The following TENM3 variants were observed in gnomAD, a reference collection of about 807,000 sequenced individuals.
The protein encoded by TENM3 is teneurin transmembrane protein 3, also known as teneurin-3.
TENM3 carries 63 observed loss-of-function variants against 255.1 expected under a neutral mutation model. The observed-to-expected ratio is 0.25, with a 90% CI of 0.20 to 0.30. The LOEUF (loss-of-function observed/expected upper bound fraction) is 0.30. TENM3 is among the 10% of genes least tolerant of loss of function. TENM3 has a pLI of 1.00. For missense variants in TENM3, 2,929 were observed against 3,461.1 expected (o/e 0.85, Z 3.86); for synonymous variants, 1,306 against 1,322.3 (o/e 0.99, Z 0.27).
At chr4:182,002,449 T>C in the TENM3 span, among the ~76,000 whole-genome samples, 3 of 152,046 alleles carry the variant, frequency 2.0e-5, no homozygotes, top group Non-Finnish European at 1.5e-5. Flanking sequence ...AGACTCTTCA[T>C]TAAGTCTAGG....
chr4:182,383,935 C>G (rs988992771), intron 3 of TENM3, among the ~76,000 whole-genome samples: 2 of 152,174 alleles, frequency 1.3e-5, no homozygotes, highest in African/African-American at 2.4e-5. Flanking sequence ...ATGGCTCTGC[C>G]AGAGGCAGGA....
the TENM3 span, among the ~76,000 whole-genome samples, chr4:181,858,969 T>G: frequency 6.6e-6 from 1 of 152,064 alleles, no homozygotes; most frequent in Non-Finnish European, 1.5e-5. Context: ...ATCCAACAGC[T>G]GTGTGCCAGA....
the TENM3 span, among the ~76,000 whole-genome samples, chr4:181,725,268 C>T: frequency 6.6e-6 from 1 of 152,118 alleles, no homozygotes; most frequent in Non-Finnish European, 1.5e-5. Flanking sequence ...CTGATGTTTA[C>T]TGGACATCAG....
chr4:181,573,741 A>G, the TENM3 span, among the ~76,000 whole-genome samples: 1 of 152,230 alleles, frequency 6.6e-6, no homozygotes, highest in African/African-American at 2.4e-5. Flanking sequence ...CAATACTTTA[A>G]TTTTTAATAC....
chr4:182,453,871 G>A (rs1338278353), intron 3 of TENM3, among the ~76,000 whole-genome samples: 1 of 152,098 alleles, frequency 6.6e-6, no homozygotes, highest in African/African-American at 2.4e-5. Context: ...CTGCTTCAAA[G>A]TTGTAACCTT....
the TENM3 span, among the ~76,000 whole-genome samples, chr4:182,066,599 A>AATATATATATATAT: frequency 3.6e-5 from 5 of 137,114 alleles, no homozygotes; most frequent in South Asian, 4.5e-4. Context: ...GTAAAAAAAA[A>AATATATATATATAT]ATATATATAT....
At chr4:181,764,688 T>C in the TENM3 span, among the ~76,000 whole-genome samples, 1 of 152,172 alleles carries the variant, frequency 6.6e-6, no homozygotes, top group Non-Finnish European at 1.5e-5. Context: ...ACATGTGACT[T>C]TGTTGTTTGC....
At chr4:182,115,070 ACT>A in the TENM3 span, among the ~76,000 whole-genome samples, 1 of 152,108 alleles carries the variant, frequency 6.6e-6, no homozygotes, top group Non-Finnish European at 1.5e-5. Flanking sequence ...AATCCCAGCT[ACT>A]CAGGAGGCTG....
the TENM3 span, among the ~76,000 whole-genome samples, chr4:181,965,335 G>T: frequency 2.0e-5 from 3 of 152,132 alleles, no homozygotes; most frequent in South Asian, 4.1e-4. Flanking sequence ...GACAACAAAA[G>T]CTCTGAATAT....
chr4:182,688,292 C>A lies in TENM3; in HGVS notation c.2162C>A (p.Thr721Asn). 4 of 1,613,884 alleles carry A rather than the reference C, an allele frequency of 2.5e-6. No individual in the cohort carries two copies. The highest frequency in any genetic ancestry group is 3.4e-6 in the Non-Finnish European group (4 of 1,179,852). ...ACHPRCAEHG[T>N]CKDGKCECSQ... ...CACCCCCGCTGTGCCGAGCACGGGA[C>A]CTGCAAGGATGGCAAGTGTGAATGC... The change falls in exon 12 of 28, where the codon ACC (threonine) becomes AAC (asparagine). Residue 721 changes from threonine (T) to asparagine (N), a missense_variant. Thr to Asn is a moderately conservative substitution (Grantham distance 65). Transcript: ENST00000511685.
At chr4:182,603,278 C>T (rs1182368890) in intron 4 of TENM3, among the ~76,000 whole-genome samples, 1 of 152,066 alleles carries the variant, frequency 6.6e-6, no homozygotes, top group East Asian at 1.9e-4. Flanking sequence ...ATTAATGAAT[C>T]ATCAATGGAA....
the TENM3 span, among the ~76,000 whole-genome samples, chr4:181,907,341 G>T: frequency 6.6e-6 from 1 of 152,170 alleles, no homozygotes; most frequent in Non-Finnish European, 1.5e-5. Context: ...GCCAGTCACT[G>T]CCATGAAGTA....
chr4:181,594,221 A>G, the TENM3 span, among the ~76,000 whole-genome samples: 1 of 152,330 alleles, frequency 6.6e-6, no homozygotes, highest in South Asian at 2.1e-4. Context: ...TGAAGTGTGA[A>G]TTATCTACAT....
rs566370760 is a variant in TENM3, at chr4:182,232,230, C to T, written c.-76+87476C>T. On this transcript the variant is annotated intron_variant, in intron 1 of 2. Coordinates refer to the TENM3 transcript ENST00000512480. ...CACTTTTATTCAGGGCCGTAACTCT[C>T]ACTTCTCACTTGGCCACCGTGTTGG... 2.4e-4 allele frequency among the ~76,000 whole-genome samples: 36 copies of T among 152,294 alleles called. 1 individual carries two copies. The South Asian group carries it at 6.8e-3, about 29-fold the overall frequency.
At chr4:181,598,166 A>T in the TENM3 span, among the ~76,000 whole-genome samples, 1 of 152,210 alleles carries the variant, frequency 6.6e-6, no homozygotes, top group Admixed American at 6.5e-5. Flanking sequence ...TTGTAGTTCC[A>T]TGATCTACTT....
the TENM3 span, among the ~76,000 whole-genome samples, chr4:182,096,547 G>C: frequency 6.6e-6 from 1 of 152,120 alleles, no homozygotes; most frequent in Non-Finnish European, 1.5e-5. Flanking sequence ...TATATATTAT[G>C]GACAATTAGC....
intron 22 of TENM3, among the ~76,000 whole-genome samples, chr4:182,765,109 A>G (rs773887717): frequency 3.3e-5 from 5 of 149,908 alleles, no homozygotes; most frequent in Non-Finnish European, 7.4e-5. Flanking sequence ...CTTTGAGAGT[A>G]CCATGGCACA....
In TENM3 at chr4:182,799,644, C is replaced by G; in HGVS notation, c.7393C>G (p.Leu2465Val). 1 of 1,547,086 alleles carries G rather than the reference C, an allele frequency of 6.5e-7. No homozygotes were observed. The highest frequency in any genetic ancestry group is 8.7e-7 in the Non-Finnish European group (1 of 1,146,682). Residue 2465 changes from leucine to valine, a missense_variant, in exon 28 of 28, where the codon CTG becomes GTG. Around this residue, in one of 6 missense-constraint regions of TENM3, gnomAD observed 476 missense variants for 480.1 expected, o/e 0.99. Coordinates refer to ENST00000511685, the MANE Select transcript of TENM3 (RefSeq NM_001080477.4). The surrounding 1 kb of genome is among the most constrained non-coding windows in gnomAD (Gnocchi z 4.2). ...AGTGGCGCGGCAGGCCAAGGCCTTC[C>G]TGTCGCTGGGGAAGATGGCCGAGGT... ...QQVARQAKAF[L>V]SLGKMAEVQV...
At chr4:181,830,574 C>T in the TENM3 span, among the ~76,000 whole-genome samples, 5 of 152,080 alleles carry the variant, frequency 3.3e-5, no homozygotes, top group African/African-American at 1.2e-4. Flanking sequence ...TGCCCTGCCC[C>T]AGCTTGCTTC....
Sources: gnomAD v4.1 joint callset for allele counts (sites outside exome capture counted in the v4.1 genomes callset) on GRCh38, gnomAD v4.1.1 for gene constraint, gnomAD v4.1.1 regional missense constraint, Gnocchi (gnomAD v3.1) non-coding constraint, MANE v1.5 for transcripts, NCBI Gene and HGNC (gene_info 2026-07-23, HGNC 2026-07-21) for gene names.